The following ATP8A2 variants were observed in gnomAD, a reference collection of about 807,000 sequenced individuals.
The protein encoded by ATP8A2 is phospholipid-transporting ATPase IB.
Under a neutral mutation model 165.6 loss-of-function variants are expected in ATP8A2, and 100 were observed. The ratio of observed to expected loss-of-function variants is 0.60; its 90% CI spans 0.51 to 0.71. The LOEUF is 0.71. Ranked by LOEUF, ATP8A2 falls within the 30% of genes least tolerant of loss-of-function variation. ATP8A2 has a pLI of 0.00. For missense variants in ATP8A2, 1,227 were observed against 1,479.5 expected (o/e 0.83, Z 2.80); for synonymous variants, 543 against 548.8 (o/e 0.99, Z 0.15).
At chr13:25,431,016 A>G (rs924168773) in intron 1 of ATP8A2, among the ~76,000 whole-genome samples, 3 of 151,836 alleles carry the variant, frequency 2.0e-5, no homozygotes, top group South Asian at 2.1e-4. Flanking sequence ...ACACACATAT[A>G]TATACACACA....
chr13:25,667,741 C>T (rs1481825761), intron 24 of ATP8A2, among the ~76,000 whole-genome samples: 2 of 152,050 alleles, frequency 1.3e-5, no homozygotes, highest in African/African-American at 2.4e-5. Context: ...GCTGCTTTCA[C>T]TTAACATCTA....
intron 27 of ATP8A2, among the ~76,000 whole-genome samples, chr13:25,782,145 A>T (rs1471170544): frequency 6.6e-6 from 1 of 152,244 alleles, no homozygotes; most frequent in African/African-American, 2.4e-5. Flanking sequence ...TGGGGGACAC[A>T]AGAAATTTCA....
At chr13:25,542,946 A>T (rs1281926790) in intron 9 of ATP8A2, among the ~76,000 whole-genome samples, 3 of 152,212 alleles carry the variant, frequency 2.0e-5, no homozygotes, top group African/African-American at 7.2e-5. Context: ...TAATACTTCC[A>T]ATAATAATAC....
chr13:25,570,981 C>G, intron 17 of ATP8A2, 109 bp downstream of exon 17: 4 of 765,870 alleles, frequency 5.2e-6, no homozygotes, highest in Non-Finnish European at 8.3e-6. Flanking sequence ...ACTCGGCTGT[C>G]TGCTGTTGGC....
rs148747315 is a variant in ATP8A2, at chr13:25,643,264, A to G, written c.2211+53565A>G. ...CCTCTGGTTTTTCCTGAAAAAATGTATCCATGTTTTAATACAGGTATAGTT... is the reference window on the plus strand; with the variant it reads ...CCTCTGGTTTTTCCTGAAAAAATGTGTCCATGTTTTAATACAGGTATAGTT... On this transcript the variant is annotated intron_variant, in intron 24 of 36. Transcript: ENST00000381655. Among the ~76,000 whole-genome samples, 418 of 152,246 alleles carry G rather than the reference A, an allele frequency of 2.7e-3. 2 individuals are homozygous for G. Among genetic ancestry groups the G allele is most frequent in the Non-Finnish European group, 4.4e-3 (299 of 67,988 alleles).
In ATP8A2 at chr13:25,516,595, G is replaced by C. The variant is rs150051620; in HGVS notation, c.222-13404G>C. Among the ~76,000 whole-genome samples the C allele has an allele frequency of 3.5e-4, 53 of 152,194 alleles. No homozygotes were observed. The South Asian group carries it at 0.011, about 31-fold the overall frequency. On this transcript the variant is annotated intron_variant, in intron 2 of 36. Coordinates refer to ENST00000381655, the MANE Select transcript of ATP8A2 (RefSeq NM_016529.6). The stretch of plus-strand genomic sequence containing the variant: ...TGGGGCCTGAATTGTAATGATTCCT[G>C]TACTTGTTGAGGCCAGATATTTTTA...
At chr13:25,841,880 T>A (rs1593433668) in intron 30 of ATP8A2, among the ~76,000 whole-genome samples, 1 of 152,150 alleles carries the variant, frequency 6.6e-6, no homozygotes, top group Non-Finnish European at 1.5e-5. Context: ...TAGGACCTAC[T>A]TGATGTGTCA....
intron 1 of ATP8A2, among the ~76,000 whole-genome samples, chr13:25,455,631 A>G (rs958799438): frequency 1.3e-5 from 2 of 152,194 alleles, no homozygotes; most frequent in African/African-American, 2.4e-5. Context: ...CAATAAATTC[A>G]GGAAGAGTGC....
intron 33 of ATP8A2, among the ~76,000 whole-genome samples, chr13:25,877,929 A>G (rs181503863): frequency 2.8e-4 from 43 of 152,334 alleles, no homozygotes; most frequent in Admixed American, 2.4e-3. Flanking sequence ...ACCTGTGTAT[A>G]CAGAGAACCC....
rs147795224 is a variant in ATP8A2 at position 25,820,188 on chromosome 13, G to A, written c.2680-7930G>A. ...AGGAGCCTGTGCAATTAGCCAAGACGGTTACTGTGTTTTTGGCAGTCAGGC... is the reference window on the plus strand; with the variant it reads ...AGGAGCCTGTGCAATTAGCCAAGACAGTTACTGTGTTTTTGGCAGTCAGGC... On this transcript the variant is annotated intron_variant, in intron 27 of 36. Transcript: ENST00000381655. Among the ~76,000 whole-genome samples, 85 of 152,290 alleles carry A rather than the reference G, an allele frequency of 5.6e-4. 1 individual carries two copies. The East Asian group carries it at 0.013, about 24-fold the overall frequency.
In ATP8A2 at chr13:25,660,954, G is replaced by T. The variant is rs1450989385; in HGVS notation, c.2212-38219G>T. Reference sequence around the variant, plus strand: ...CGATGGTCATGGAATGGAGAAGTGGGAGCGTAGCTTGCATATCAACAACTC... The same window carrying T: ...CGATGGTCATGGAATGGAGAAGTGGTAGCGTAGCTTGCATATCAACAACTC... On this transcript the variant is annotated intron_variant, in intron 24 of 36. Coordinates refer to ENST00000381655, the MANE Select transcript of ATP8A2 (RefSeq NM_016529.6). 2.0e-5 allele frequency among the ~76,000 whole-genome samples: 3 copies of T among 152,144 alleles called. No individual in the cohort carries two copies. The East Asian group carries it at 5.8e-4, about 29-fold the overall frequency.
intron 1 of ATP8A2, among the ~76,000 whole-genome samples, chr13:25,438,218 G>T (rs921722233): frequency 6.6e-6 from 1 of 152,096 alleles, no homozygotes; most frequent in Non-Finnish European, 1.5e-5. Flanking sequence ...TCAGAGAGGA[G>T]CCTACCTCTA....
intron 24 of ATP8A2, among the ~76,000 whole-genome samples, chr13:25,606,405 G>A (rs1184618562): frequency 6.6e-6 from 1 of 152,140 alleles, no homozygotes; most frequent in Non-Finnish European, 1.5e-5. Context: ...TCATTGGCAG[G>A]TAAAAACTAA....
At chr13:25,799,338 C>A (rs1016667203) in intron 27 of ATP8A2, among the ~76,000 whole-genome samples, 3 of 152,140 alleles carry the variant, frequency 2.0e-5, no homozygotes, top group African/African-American at 7.2e-5. Context: ...GGAGTTTCAC[C>A]TCCTGCCTTT....
chr13:25,983,553 A>G (rs1239048028), intron 35 of ATP8A2, among the ~76,000 whole-genome samples: 1 of 152,222 alleles, frequency 6.6e-6, no homozygotes, highest in South Asian at 2.1e-4. Flanking sequence ...TTCTAAAAGT[A>G]CATTTCCTTT....
rs1214988944 is a variant in ATP8A2 at position 25,579,946 on chromosome 13, A to G, written c.2006A>G (p.Lys669Arg). ...GAAGAGTGTTACGAGATCATTGAGA[A>G]GGTAACCGCACACAATACAGTCTTT... ...RLEECYEIIE[K>R]NLLLLGATAI... The change falls in exon 22 of 37, where the codon AAG becomes AGG. Residue 669 changes from lysine (K) to arginine (R), a missense_variant and splice_region_variant. By Grantham distance (26) the Lys-to-Arg change is conservative. Around this residue, in one of 5 missense-constraint regions of ATP8A2, gnomAD observed 592 missense variants for 785.6 expected, o/e 0.75. Coordinates refer to ENST00000381655, the MANE Select transcript of ATP8A2 (RefSeq NM_016529.6). The G allele has an allele frequency of 3.1e-6, 5 of 1,613,984 alleles. No individual in the cohort carries two copies. The East Asian group carries it at 8.9e-5, about 29-fold the overall frequency.
chr13:25,685,280 A>C (rs1415644004), intron 24 of ATP8A2, among the ~76,000 whole-genome samples: 1 of 152,194 alleles, frequency 6.6e-6, no homozygotes, highest in African/African-American at 2.4e-5. Context: ...GGGTGTTGGC[A>C]TAGTCTCTGA....
chr13:25,836,947 G>A (rs529912531), intron 28 of ATP8A2, among the ~76,000 whole-genome samples: 5 of 152,266 alleles, frequency 3.3e-5, no homozygotes, highest in African/African-American at 1.2e-4. Flanking sequence ...GATAATGTAT[G>A]ATGTTTTTAG....
At chr13:25,459,397 G>A (rs1304770713) in intron 1 of ATP8A2, among the ~76,000 whole-genome samples, 3 of 152,278 alleles carry the variant, frequency 2.0e-5, no homozygotes, top group South Asian at 2.1e-4. Flanking sequence ...TTTTGTGTTC[G>A]CTTGATTCAC....
Sources: gnomAD v4.1 joint callset for allele counts (sites outside exome capture counted in the v4.1 genomes callset) on GRCh38, gnomAD v4.1.1 for gene constraint, gnomAD v4.1.1 regional missense constraint, MANE v1.5 for transcripts, NCBI Gene and HGNC (gene_info 2026-07-23, HGNC 2026-07-21) for gene names.